SEC23B: variants seen among roughly 807,000 people sequenced by gnomAD.
SEC23B encodes the protein SEC23 homolog B, COPII component.
Under a neutral mutation model 104.3 loss-of-function variants are expected in SEC23B, and 77 were observed. That is an observed-to-expected ratio of 0.74 (90% CI 0.61 to 0.89). The LOEUF (loss-of-function observed/expected upper bound fraction) is 0.89, where lower values mean the gene tolerates loss of function less well. SEC23B is among the 40% of genes least tolerant of loss of function. The pLI, the probability that SEC23B is intolerant of heterozygous loss-of-function variation, is 0.00. For missense variants in SEC23B, 885 were observed against 949.4 expected, an observed-to-expected ratio of 0.93 and a Z score of 0.89; for synonymous variants, 338 against 332.5, an observed-to-expected ratio of 1.02 and a Z score of -0.18.
rs780585586 is a variant in SEC23B, at chr20:18,526,546, G to C, written c.993+15G>C. On this transcript the variant is annotated intron_variant, in intron 8 of 19. Coordinates refer to ENST00000650089, the MANE Select transcript of SEC23B (RefSeq NM_006363.6). ...AGGCAACCAAGGTAGGTGCTCTTGG[G>C]TATGGGCTGTAATTCTGAAAGCCCA... 1.9e-6 allele frequency: 3 copies of C among 1,613,894 alleles called. No homozygotes were observed. The highest frequency in any genetic ancestry group is 2.5e-6 in the Non-Finnish European group (3 of 1,179,848).
intron 4 of SEC23B, among the ~76,000 whole-genome samples, chr20:18,523,905 C>T (rs527715271): frequency 3.9e-5 from 6 of 152,006 alleles, no homozygotes; most frequent in South Asian, 2.1e-4. Context: ...TTGTTAGAGA[C>T]GGGGTCTCGC....
At position 18,553,257 on chromosome 20, in the gene SEC23B, T is replaced by C. The variant is rs1481085725; in HGVS notation, c.1993-978T>C. Among the ~76,000 whole-genome samples, 4 of 152,336 alleles carry C rather than the reference T, an allele frequency of 2.6e-5. No individual in the cohort carries two copies. The South Asian group carries it at 8.3e-4, about 32-fold the overall frequency. ...TGGACCCTGGTGAGCTCGTGGGCAT[T>C]TCCCATAGGCCAACAGTCAATCACA... is the stretch of plus-strand genomic sequence containing the variant. On this transcript the variant is annotated intron_variant, in intron 17 of 19. Transcript: ENST00000650089.
intron 17 of SEC23B, 39 bp downstream of exon 17, chr20:18,551,214 T>C: frequency 8.4e-7 from 1 of 1,197,018 alleles, no homozygotes. Flanking sequence ...TCTTTTTGTT[T>C]TTAAATTGGA....
rs560912822 is a variant in SEC23B at position 18,536,431 on chromosome 20, G to A, written c.1404+689G>A. 1.4e-3 allele frequency among the ~76,000 whole-genome samples: 220 copies of A among 152,270 alleles called. No individual in the cohort carries two copies. In the South Asian group the frequency reaches 0.015, roughly 10 times the overall value. On this transcript the variant is annotated intron_variant, in intron 12 of 19. Coordinates refer to ENST00000650089, the MANE Select transcript of SEC23B (RefSeq NM_006363.6). ...ATAACGGCCGGGTGCTGTGGCTCACGCCTGTAATCCCAGCACTTTGGGAGG... is the reference window on the plus strand; with the variant it reads ...ATAACGGCCGGGTGCTGTGGCTCACACCTGTAATCCCAGCACTTTGGGAGG...
chr20:18,548,688 A>T lies in SEC23B; in HGVS notation c.1823A>T (p.His608Leu), dbSNP rs2060357516. 1 of 1,614,152 alleles carries T rather than the reference A, an allele frequency of 6.2e-7. No homozygotes were observed. Reference protein sequence around the residue: ...SPDESSYYRHHFARQDLTQSL... With the variant: ...SPDESSYYRHLFARQDLTQSL... ...GATGAGTCGTCATATTACAGACATC[A>T]TTTTGCCCGGCAGGACCTGACCCAG... Residue 608 changes from histidine to leucine, a missense_variant, in exon 16 of 20, where the codon CAT becomes CTT. Transcript: ENST00000650089.
Position 18,530,668 on chromosome 20 carries a change from C to T in SEC23B, c.1110-12C>T, listed in dbSNP as rs2060176254. 6.2e-7 allele frequency: 1 copy of T among 1,610,870 alleles called. No individual in the cohort carries two copies. Among genetic ancestry groups the T allele is most frequent in the Admixed American group, 1.7e-5 (1 of 59,814 alleles). On this transcript the variant is annotated splice_polypyrimidine_tract_variant and intron_variant, in intron 9 of 19. Coordinates refer to ENST00000650089, the MANE Select transcript of SEC23B (RefSeq NM_006363.6). ...TTCCTAATATTCACTTGATTTTTTT[C>T]TTCTTACCTAGAGGCTACATGGTAA...
chr20:18,555,042 TC>T, intron 18 of SEC23B, 65 bp from the exon 19 acceptor site: 1 of 1,424,344 alleles, frequency 7.0e-7, no homozygotes, highest in South Asian at 1.2e-5. Flanking sequence ...TTATCTTTTT[TC>T]TGTTACATTA....
intron 4 of SEC23B, among the ~76,000 whole-genome samples, chr20:18,521,077 G>A (rs2060079857): frequency 6.6e-6 from 1 of 152,188 alleles, no homozygotes; most frequent in Non-Finnish European, 1.5e-5. Flanking sequence ...GCGGGAGGAG[G>A]TTCTGGAGGA....
At chr20:18,525,516 C>T (rs1484260651) in intron 6 of SEC23B, among the ~76,000 whole-genome samples, 2 of 152,166 alleles carry the variant, frequency 1.3e-5, no homozygotes, top group African/African-American at 4.8e-5. Context: ...TTTTTGCTGT[C>T]TAAAAATTAA....
At position 18,524,607 on chromosome 20, in the gene SEC23B, G is replaced by C. The variant is rs765328235; in HGVS notation, c.541G>C (p.Glu181Gln). ...GGTGCAGGTTCATGAGCTAAGCTGT[G>C]AAGGAATCTCCAAAAGTTATGTCTT... ...RMVQVHELSC[E>Q]GISKSYVFRG... is the part of the protein sequence containing the mutation. The change falls in exon 5 of 20, where the codon GAA becomes CAA. Residue 181 changes from glutamate (E) to glutamine (Q), a missense_variant. Coordinates refer to ENST00000650089, the MANE Select transcript of SEC23B (RefSeq NM_006363.6). The C allele has an allele frequency of 1.2e-6, 2 of 1,614,094 alleles. No individual in the cohort carries two copies. Among genetic ancestry groups the C allele is most frequent in the Non-Finnish European group, 1.7e-6 (2 of 1,180,042 alleles).
At chr20:18,549,501 G>A (rs1187513926) in intron 16 of SEC23B, among the ~76,000 whole-genome samples, 1 of 151,620 alleles carries the variant, frequency 6.6e-6, no homozygotes, top group Non-Finnish European at 1.5e-5. Flanking sequence ...TATAGATGTG[G>A]AACCCACCGA....
At chr20:18,516,620 C>T (rs1302144456) in intron 4 of SEC23B, among the ~76,000 whole-genome samples, 1 of 150,028 alleles carries the variant, frequency 6.7e-6, no homozygotes. Context: ...GGCACGATCT[C>T]GGCTCACTGC....
upstream of SEC23B, chr20:18,507,867 C>T (rs1427300561): frequency 1.3e-5 from 2 of 152,318 alleles, no homozygotes; most frequent in South Asian, 2.1e-4. Flanking sequence ...AGCGCCGTGG[C>T]ATGACGCGCT....
chr20:18,510,804 T>C lies in SEC23B; in HGVS notation c.-14-18T>C. The C allele has an allele frequency of 6.4e-7, 1 of 1,559,972 alleles. No individual in the cohort carries two copies. Among genetic ancestry groups the C allele is most frequent in the South Asian group, 1.1e-5 (1 of 89,962 alleles). On this transcript the variant is annotated intron_variant, in intron 1 of 19. Transcript: ENST00000650089. ...AGAATTTCACATACCATTAAGGTAA[T>C]TAAAGTTTTATCTTCAGTTCCCTTT... is the stretch of plus-strand genomic sequence containing the variant.
intron 10 of SEC23B, among the ~76,000 whole-genome samples, chr20:18,532,000 G>A (rs1313667077): frequency 6.6e-6 from 1 of 152,232 alleles, no homozygotes; most frequent in African/African-American, 2.4e-5. Flanking sequence ...TGAGGCTGCA[G>A]TGAGCTATGA....
In SEC23B at chr20:18,548,765, C is replaced by G. The variant is rs755571634; in HGVS notation, c.1900C>G (p.Pro634Ala). Residue 634 changes from proline (P) to alanine (A), a missense_variant, in exon 16 of 20, where the codon CCA (proline) becomes GCA (alanine). Coordinates refer to ENST00000650089, the MANE Select transcript of SEC23B (RefSeq NM_006363.6). ...CTACTCTTACTCCTTTCATGGGCCACCAGAGGTGAGGCTCTACCCAAATGC... is the reference window on the plus strand; with the variant it reads ...CTACTCTTACTCCTTTCATGGGCCAGCAGAGGTGAGGCTCTACCCAAATGC... ...ILYSYSFHGP[P>A]EPVLLDSSSI... 1 of 1,613,898 alleles carries G rather than the reference C, an allele frequency of 6.2e-7. No individual in the cohort carries two copies. Among genetic ancestry groups the G allele is most frequent in the East Asian group, 2.2e-5 (1 of 44,886 alleles).
chr20:18,530,047 A>G (rs1462023418), intron 9 of SEC23B, among the ~76,000 whole-genome samples: 2 of 152,164 alleles, frequency 1.3e-5, no homozygotes, highest in Non-Finnish European at 2.9e-5. Context: ...TAAAGTCAAG[A>G]ATTCAGTATT....
At chr20:18,520,505 T>A (rs533451346) in intron 4 of SEC23B, among the ~76,000 whole-genome samples, 2 of 151,598 alleles carry the variant, frequency 1.3e-5, no homozygotes, top group South Asian at 2.1e-4. Flanking sequence ...AGAGCGGGAG[T>A]GAGGTGTGGC....
intron 12 of SEC23B, among the ~76,000 whole-genome samples, chr20:18,541,096 A>C (rs1468412762): frequency 6.6e-6 from 1 of 152,226 alleles, no homozygotes; most frequent in Non-Finnish European, 1.5e-5. Flanking sequence ...ACCTTGTGCC[A>C]TTATGTTATG....
Sources: allele counts gnomAD v4.1 joint callset (sites outside exome capture counted in the v4.1 genomes callset), GRCh38; gene constraint gnomAD v4.1.1; transcripts MANE v1.5; gene names NCBI Gene and HGNC (gene_info 2026-07-23, HGNC 2026-07-21).